KCNMA1: variants seen among roughly 807,000 people sequenced by gnomAD.
The protein encoded by KCNMA1 is potassium calcium-activated channel subfamily M alpha 1.
In KCNMA1, 29 loss-of-function variants were observed where a neutral mutation model predicts 140.0. That is an observed-to-expected ratio of 0.21 (90% CI 0.15 to 0.28). The LOEUF is 0.28. Ranked by LOEUF, KCNMA1 falls within the 10% of genes least tolerant of loss-of-function variation. The pLI, the probability that KCNMA1 is intolerant of heterozygous loss-of-function variation, is 1.00. For missense variants in KCNMA1, 880 were observed against 1,602.2 expected (o/e 0.55, Z 7.70); for synonymous variants, 612 against 611.9 (o/e 1.00, Z 0.00).
At chr10:77,578,903 C>T (rs2075051040) in intron 1 of KCNMA1, among the ~76,000 whole-genome samples, 1 of 152,244 alleles carries the variant, frequency 6.6e-6, no homozygotes. Context: ...GTGCTCTTCA[C>T]ATCTAGAGCA....
At chr10:77,612,194 C>T (rs1441471251) in intron 1 of KCNMA1, among the ~76,000 whole-genome samples, 2 of 152,168 alleles carry the variant, frequency 1.3e-5, no homozygotes, top group African/African-American at 2.4e-5. Context: ...ATAATGTGCA[C>T]ATTTCACGGA....
chr10:76,978,243 T>A (rs1350384600), intron 19 of KCNMA1, among the ~76,000 whole-genome samples: 1 of 152,192 alleles, frequency 6.6e-6, no homozygotes, highest in Non-Finnish European at 1.5e-5. Flanking sequence ...TTATCAAAGG[T>A]AGTTTCAGAA....
intron 2 of KCNMA1, among the ~76,000 whole-genome samples, chr10:77,365,867 C>A (rs1226105014): frequency 6.6e-6 from 1 of 152,144 alleles, no homozygotes; most frequent in East Asian, 1.9e-4. Context: ...CCTTCACTAA[C>A]AAGTTCTATA....
intron 2 of KCNMA1, among the ~76,000 whole-genome samples, chr10:77,263,796 A>C (rs1219619471): frequency 6.6e-6 from 1 of 151,992 alleles, no homozygotes. Context: ...GTCACACTCC[A>C]TTTTCTCCTC....
At chr10:77,545,655 C>T (rs1205171655) in intron 1 of KCNMA1, among the ~76,000 whole-genome samples, 1 of 152,218 alleles carries the variant, frequency 6.6e-6, no homozygotes, top group African/African-American at 2.4e-5. Context: ...GGACTTTGAG[C>T]TTCCTGGCAG....
chr10:77,553,764 T>C (rs2154557449), intron 1 of KCNMA1, among the ~76,000 whole-genome samples: 1 of 152,320 alleles, frequency 6.6e-6, no homozygotes, highest in East Asian at 1.9e-4. Context: ...CCAGGAGCTA[T>C]GCTCAAGGTA....
chr10:77,442,888 C>T (rs1024343680), intron 1 of KCNMA1, among the ~76,000 whole-genome samples: 10 of 152,218 alleles, frequency 6.6e-5, no homozygotes, highest in African/African-American at 2.4e-4. Context: ...AAACGCATTT[C>T]CCTGACTGTC....
At chr10:77,016,203 G>A (rs2092003500) in intron 17 of KCNMA1, among the ~76,000 whole-genome samples, 1 of 151,954 alleles carries the variant, frequency 6.6e-6, no homozygotes, top group Non-Finnish European at 1.5e-5. Flanking sequence ...CCTGCCTGAT[G>A]GATTATTTCC....
intron 1 of KCNMA1, among the ~76,000 whole-genome samples, chr10:77,542,084 C>A (rs2060314949): frequency 1.3e-5 from 2 of 152,086 alleles, no homozygotes; most frequent in African/African-American, 4.8e-5. Context: ...AAAAGAGGTC[C>A]CAGAGAGCTG....
chr10:77,056,660 T>C (rs560546791), intron 14 of KCNMA1, among the ~76,000 whole-genome samples: 10 of 152,242 alleles, frequency 6.6e-5, no homozygotes, highest in African/African-American at 2.4e-4. Context: ...CAACTACTAT[T>C]TCCCGATAAC....
chr10:77,476,908 G>A (rs2098292119), intron 1 of KCNMA1, among the ~76,000 whole-genome samples: 1 of 151,378 alleles, frequency 6.6e-6, no homozygotes, highest in Non-Finnish European at 1.5e-5. Flanking sequence ...GATTGGAGAG[G>A]AAAAGCAGTC....
chr10:77,187,638 T>A (rs1434778288), intron 3 of KCNMA1, among the ~76,000 whole-genome samples: 1 of 152,176 alleles, frequency 6.6e-6, no homozygotes, highest in African/African-American at 2.4e-5. Context: ...CATACCTCAA[T>A]AATATGAGGG....
At chr10:77,000,972 T>A (rs1366453800) in intron 19 of KCNMA1, among the ~76,000 whole-genome samples, 1 of 148,986 alleles carries the variant, frequency 6.7e-6, no homozygotes, top group Non-Finnish European at 1.5e-5. Context: ...TAAAAGCAAT[T>A]CAATGCTAGA....
intron 19 of KCNMA1, among the ~76,000 whole-genome samples, chr10:76,972,895 C>A (rs893766476): frequency 1.3e-5 from 2 of 152,130 alleles, no homozygotes; most frequent in Non-Finnish European, 2.9e-5. Context: ...AATTATCAGC[C>A]TTTATATGGA....
rs193155330 is a variant in KCNMA1, at chr10:77,204,910, A to G, written c.603-19994T>C. Among the ~76,000 whole-genome samples the G allele has an allele frequency of 2.8e-3, 423 of 152,276 alleles. 7 individuals are homozygous for G. The highest frequency in any genetic ancestry group is 6.9e-4 in the Non-Finnish European group (47 of 68,016). ...GAACACCACAAGAAGCTGACTCACC[A>G]AAGAACACAATTTCCACATTCTGAT... On this transcript the variant is annotated intron_variant, in intron 3 of 27. Coordinates refer to ENST00000286628, the MANE Select transcript of KCNMA1 (RefSeq NM_001161352.2).
At chr10:77,120,931 T>C (rs573025302) in intron 6 of KCNMA1, 42 bp downstream of exon 6, 4 of 1,108,628 alleles carry the variant, frequency 3.6e-6, no homozygotes, top group Middle Eastern at 4.1e-4. Context: ...CAACTTGGCA[T>C]AGGGGACTGG....
At chr10:77,621,046 C>G (rs1361517864) in intron 1 of KCNMA1, among the ~76,000 whole-genome samples, 1 of 152,220 alleles carries the variant, frequency 6.6e-6, no homozygotes, top group Non-Finnish European at 1.5e-5. Flanking sequence ...AATTTGTCTC[C>G]TGCTTCCAAA....
At chr10:77,227,964 A>ATT (rs10642363) in intron 3 of KCNMA1, among the ~76,000 whole-genome samples, 39,949 of 136,046 alleles carry the variant, frequency 0.29, 6,345 homozygotes, top group East Asian at 0.42. Context: ...ATTTAATTTA[A>ATT]TTTTTTTTTT....
At chr10:77,495,785 G>A (rs1364375698) in intron 1 of KCNMA1, among the ~76,000 whole-genome samples, 3 of 152,180 alleles carry the variant, frequency 2.0e-5, no homozygotes, top group Non-Finnish European at 4.4e-5. Flanking sequence ...AGGAAAGCCA[G>A]CCTCATGATG....
Sources: allele counts gnomAD v4.1 joint callset (sites outside exome capture counted in the v4.1 genomes callset), GRCh38; gene constraint gnomAD v4.1.1; transcripts MANE v1.5; gene names NCBI Gene and HGNC (gene_info 2026-07-23, HGNC 2026-07-21).